Variants in SEL1L2 observed in about 807,000 individuals in gnomAD.
SEL1L2 encodes the protein protein sel-1 homolog 2.
In SEL1L2, 89 loss-of-function variants were observed where a neutral mutation model predicts 98.8. The observed-to-expected ratio is 0.90, with a 90% CI of 0.76 to 1.07. The LOEUF is 1.07. Ranked by LOEUF, SEL1L2 falls within the 50% of genes least tolerant of loss-of-function variation. SEL1L2 has a pLI of 0.00. For missense variants in SEL1L2, 788 were observed against 812.0 expected (o/e 0.97, Z 0.36); for synonymous variants, 262 against 278.5 (o/e 0.94, Z 0.59).
At chr20:13,900,988 G>A (rs1200031300) in intron 5 of SEL1L2, among the ~76,000 whole-genome samples, 1 of 151,416 alleles carries the variant, frequency 6.6e-6, no homozygotes, top group African/African-American at 2.4e-5. Context: ...ATTGATTTCA[G>A]TTTTTGTTTA....
At chr20:13,870,490 G>C (rs976176435) in intron 12 of SEL1L2, among the ~76,000 whole-genome samples, 1 of 152,204 alleles carries the variant, frequency 6.6e-6, no homozygotes, top group Non-Finnish European at 1.5e-5. Flanking sequence ...GGCAGAGGTA[G>C]CAGGTGAAAG....
At chr20:13,904,622 G>A (rs1020772063) in intron 5 of SEL1L2, among the ~76,000 whole-genome samples, 2 of 152,070 alleles carry the variant, frequency 1.3e-5, no homozygotes, top group Non-Finnish European at 2.9e-5. Context: ...TAGGAAAGTG[G>A]ACCATAAAGG....
At position 13,849,526 on chromosome 20, in the gene SEL1L2, C is replaced by A; in HGVS notation, c.2026G>T (p.Val676Phe). 2 of 1,614,100 alleles carry A rather than the reference C, an allele frequency of 1.2e-6. No homozygotes were observed. Among genetic ancestry groups the A allele is most frequent in the African/African-American group, 1.3e-5 (1 of 75,030 alleles). ...HWDLFVIGLI[V>F]PGLILLLRNH... is the part of the protein sequence containing the mutation. ...CTAAGCAACAAAATCAGCCCAGGAACAATGAGGCCAATCACAAATAAGTCC... is the reference window on the plus strand; with the variant it reads ...CTAAGCAACAAAATCAGCCCAGGAAAAATGAGGCCAATCACAAATAAGTCC... Residue 676 changes from valine (V) to phenylalanine (F), a missense_variant, in exon 20 of 20, where the codon GTT becomes TTT. By Grantham distance (50) the Val-to-Phe change is conservative. Transcript: ENST00000284951.
chr20:13,853,997 ATG>A (rs1988734910), intron 18 of SEL1L2, among the ~76,000 whole-genome samples: 2 of 152,206 alleles, frequency 1.3e-5, no homozygotes, highest in East Asian at 3.8e-4. Flanking sequence ...TTTCTAAGAA[ATG>A]TGTTTTCTGT....
At chr20:13,946,930 G>A (rs756029006) in intron 2 of SEL1L2, among the ~76,000 whole-genome samples, 1 of 152,220 alleles carries the variant, frequency 6.6e-6, no homozygotes, top group Non-Finnish European at 1.5e-5. Flanking sequence ...GGGCACTGAC[G>A]AGCATGGGAG....
chr20:13,866,651 T>G lies in SEL1L2; in HGVS notation c.1404+51A>C, dbSNP rs544511299. ...ACAATTTAAGAACAGTATCACCTCC[T>G]CTGTGTCATATATGACAAGTGCTTT... On this transcript the variant is annotated intron_variant, in intron 15 of 19. Transcript: ENST00000284951. 45 of 1,403,434 alleles carry G rather than the reference T, an allele frequency of 3.2e-5. 1 individual carries two copies. The South Asian group carries it at 7.9e-4, about 25-fold the overall frequency. The allele number at this position is 1,403,434 out of a possible 1,614,324, so 86.9% of individuals were successfully genotyped here. A position where few individuals can be genotyped will look rare whatever the true frequency, so the allele number is the denominator to read the frequency against.
intron 2 of SEL1L2, among the ~76,000 whole-genome samples, chr20:13,933,787 G>A (rs1384794635): frequency 1.3e-5 from 2 of 152,032 alleles, no homozygotes; most frequent in African/African-American, 4.8e-5. Context: ...TTTCTGTTTT[G>A]TTTTGCTTTG....
At chr20:13,934,693 G>A (rs548473824) in intron 2 of SEL1L2, among the ~76,000 whole-genome samples, 2 of 151,358 alleles carry the variant, frequency 1.3e-5, no homozygotes, top group East Asian at 2.0e-4. Context: ...TCTTCACACT[G>A]TTTTCCACAC....
chr20:13,939,958 C>T (rs770845981), intron 2 of SEL1L2, among the ~76,000 whole-genome samples: 2 of 152,312 alleles, frequency 1.3e-5, no homozygotes, highest in African/African-American at 2.4e-5. Flanking sequence ...TAAGCCACCG[C>T]GCCTGGCCAA....
At chr20:13,964,972 T>G (rs537243974) in intron 1 of SEL1L2, among the ~76,000 whole-genome samples, 1 of 152,280 alleles carries the variant, frequency 6.6e-6, no homozygotes, top group African/African-American at 2.4e-5. Context: ...TCTAACCCCC[T>G]ATTTGAGAGT....
intron 2 of SEL1L2, among the ~76,000 whole-genome samples, chr20:13,933,426 TCCTC>T (rs201918668): frequency 0.023 from 3,521 of 152,128 alleles, 54 homozygotes; most frequent in Non-Finnish European, 0.038. Context: ...TGTACTCCCA[TCCTC>T]CCTACCCCAG....
intron 1 of SEL1L2, among the ~76,000 whole-genome samples, chr20:13,989,696 T>G (rs567041236): frequency 3.3e-5 from 5 of 152,256 alleles, no homozygotes; most frequent in Non-Finnish European, 7.3e-5. Flanking sequence ...TCAAATGCTT[T>G]TACTAGATTA....
At chr20:13,849,790 G>A (rs1987919834) in intron 19 of SEL1L2, among the ~76,000 whole-genome samples, 186 bp from the exon 20 acceptor site, 1 of 152,110 alleles carries the variant, frequency 6.6e-6, no homozygotes, top group Admixed American at 6.5e-5. Context: ...AGCACCTTTA[G>A]AATAACCCCA....
chr20:13,954,771 A>G (rs1344698359), intron 2 of SEL1L2, among the ~76,000 whole-genome samples: 24 of 152,140 alleles, frequency 1.6e-4, no homozygotes, highest in Non-Finnish European at 1.5e-5. Context: ...GTTATTCAGC[A>G]GGCACTGACT....
Position 13,870,235 on chromosome 20 carries a change from C to G in SEL1L2, c.1105-32G>C, listed in dbSNP as rs780306526. ...GAGTTTTATAAAGCCAAGTAAAGTC[C>G]CAGAAGAATTCATGATAAGGAAAAT... On this transcript the variant is annotated intron_variant, in intron 12 of 19. Transcript: ENST00000284951. 2.6e-6 allele frequency: 4 copies of G among 1,535,728 alleles called. No homozygotes were observed. In the South Asian group the frequency reaches 4.8e-5, roughly 18 times the overall value.
chr20:13,938,172 CT>C (rs2049551418), intron 2 of SEL1L2, among the ~76,000 whole-genome samples: 1 of 151,852 alleles, frequency 6.6e-6, no homozygotes. Flanking sequence ...CCTCCACCTC[CT>C]GGGTTCAAGC....
chr20:13,857,261 TGAAA>T (rs1432094503), intron 18 of SEL1L2, among the ~76,000 whole-genome samples: 1 of 150,902 alleles, frequency 6.6e-6, no homozygotes, highest in Non-Finnish European at 1.5e-5. Context: ...GACTTGTGAC[TGAAA>T]GAGACTGCTC....
chr20:13,909,709 G>A (rs575047570), intron 5 of SEL1L2, among the ~76,000 whole-genome samples: 1 of 152,178 alleles, frequency 6.6e-6, no homozygotes, highest in Admixed American at 6.5e-5. Flanking sequence ...GCTGGGTGTG[G>A]TGGCTCAGCA....
intron 1 of SEL1L2, among the ~76,000 whole-genome samples, chr20:13,981,309 G>C (rs1191534594): frequency 2.0e-5 from 3 of 152,242 alleles, no homozygotes; most frequent in African/African-American, 7.2e-5. Context: ...GGGGAGGGGG[G>C]TGTGGGGAAT....
Sources: allele counts gnomAD v4.1 joint callset (sites outside exome capture counted in the v4.1 genomes callset), GRCh38; gene constraint gnomAD v4.1.1; transcripts MANE v1.5; gene names NCBI Gene and HGNC (gene_info 2026-07-23, HGNC 2026-07-21).